The following TAB2 variants were observed in gnomAD, a reference collection of about 807,000 sequenced individuals.
The protein encoded by TAB2 is TGF-beta activated kinase 1 (MAP3K7) binding protein 2.
In TAB2, 3 loss-of-function variants were observed where a neutral mutation model predicts 65.0. The observed-to-expected ratio is 0.05, with a 90% CI of 0.02 to 0.12. The LOEUF (loss-of-function observed/expected upper bound fraction) is 0.12, where lower values mean the gene tolerates loss of function less well. TAB2 is among the 10% of genes least tolerant of loss of function. TAB2 has a pLI of 1.00. For synonymous variants in TAB2, 298 were observed against 285.1 expected (o/e 1.05, Z -0.46); for missense variants, 623 against 840.3 (o/e 0.74, Z 3.20).
At chr6:149,346,769 A>G (rs369866555) in intron 1 of TAB2, among the ~76,000 whole-genome samples, 71 of 152,150 alleles carry the variant, frequency 4.7e-4, no homozygotes, top group African/African-American at 1.6e-3. Flanking sequence ...TACTTCTTAT[A>G]ACTTTCTCTG....
At position 149,273,121 on chromosome 6, in the gene TAB2, T is replaced by C. The variant is rs116445223; in HGVS notation, c.-121+54345T>C. On this transcript the variant is annotated intron_variant, in intron 1 of 1. Transcript: ENST00000606202. ...CATCGAGGACCACTGATCGAGTGGG[T>C]AGAGGCCAGGGATGCTGTTAAACAT... 4.8e-3 allele frequency among the ~76,000 whole-genome samples: 728 copies of C among 151,526 alleles called. 5 individuals are homozygous for C. Among genetic ancestry groups the C allele is most frequent in the African/African-American group, 0.017 (701 of 41,238 alleles).
At chr6:149,335,721 C>G (rs1779915121) in intron 1 of TAB2, among the ~76,000 whole-genome samples, 1 of 151,508 alleles carries the variant, frequency 6.6e-6, no homozygotes, top group Non-Finnish European at 1.5e-5. Context: ...TGGCAGGGCT[C>G]TTTGAAGAAA....
At chr6:149,402,489 A>C (rs2114958102) in intron 6 of TAB2, among the ~76,000 whole-genome samples, 1 of 152,320 alleles carries the variant, frequency 6.6e-6, no homozygotes, top group East Asian at 1.9e-4. Context: ...AGAAATTTAA[A>C]AAAAAATTCC....
chr6:149,365,545 T>C (rs1781013168), intron 1 of TAB2, among the ~76,000 whole-genome samples: 1 of 152,188 alleles, frequency 6.6e-6, no homozygotes, highest in Non-Finnish European at 1.5e-5. Context: ...TTTGGCTGTT[T>C]TCAAGATTTT....
chr6:149,266,760 A>G (rs924729553), intron 1 of TAB2, among the ~76,000 whole-genome samples: 3 of 152,162 alleles, frequency 2.0e-5, no homozygotes, highest in Non-Finnish European at 1.5e-5. Context: ...GGAGGCCATA[A>G]TGAACCTCTG....
intron 1 of TAB2, among the ~76,000 whole-genome samples, chr6:149,345,601 A>G (rs971064040): frequency 6.6e-6 from 1 of 152,176 alleles, no homozygotes; most frequent in Non-Finnish European, 1.5e-5. Flanking sequence ...TCCTTGGAAT[A>G]CCTTCCATCC....
At chr6:149,361,302 A>G (rs532047012) in intron 1 of TAB2, among the ~76,000 whole-genome samples, 1 of 152,288 alleles carries the variant, frequency 6.6e-6, no homozygotes, top group Admixed American at 6.5e-5. Flanking sequence ...GAGGCTGCCA[A>G]GCCTCCTTCA....
At chr6:149,375,761 T>A (rs1781377552) in intron 2 of TAB2, among the ~76,000 whole-genome samples, 1 of 152,168 alleles carries the variant, frequency 6.6e-6, no homozygotes, top group South Asian at 2.1e-4. Flanking sequence ...TAGGAATCGT[T>A]GATAAAGATT....
At chr6:149,270,421 A>G (rs1028538257) in intron 1 of TAB2, among the ~76,000 whole-genome samples, 2 of 151,774 alleles carry the variant, frequency 1.3e-5, no homozygotes, top group African/African-American at 4.8e-5. Context: ...TTTTTTCTTT[A>G]GTTCAAGAGA....
chr6:149,400,991 A>G (rs976373638), intron 6 of TAB2: 3 of 299,542 alleles, frequency 1.0e-5, no homozygotes, highest in Middle Eastern at 9.7e-4. Context: ...TGGCATGTTC[A>G]TTCAGGTCTT....
chr6:149,387,233 T>C (rs1781835226), intron 3 of TAB2, among the ~76,000 whole-genome samples: 3 of 152,208 alleles, frequency 2.0e-5, no homozygotes, highest in Admixed American at 2.0e-4. Flanking sequence ...TATATAATAT[T>C]AGTTCTTATA....
At chr6:149,366,811 A>T (rs1781055053) in intron 1 of TAB2, among the ~76,000 whole-genome samples, 1 of 152,184 alleles carries the variant, frequency 6.6e-6, no homozygotes, top group Admixed American at 6.5e-5. Flanking sequence ...AGTCTTTATT[A>T]GAAAAGCAGG....
chr6:149,314,927 CCTTTTT>C (rs1451527756), upstream of TAB2, among the ~76,000 whole-genome samples: 1 of 144,182 alleles, frequency 6.9e-6, no homozygotes, highest in Non-Finnish European at 1.5e-5. Flanking sequence ...CTTGTTTTTT[CCTTTTT>C]ATTTTCTCCA....
At position 149,378,223 on chromosome 6, in the gene TAB2, T is replaced by A; in HGVS notation, c.308T>A (p.Leu103Gln). Residue 103 changes from leucine to glutamine, a missense_variant, in exon 3 of 7, where the codon CTA (leucine) becomes CAA (glutamine). Coordinates refer to ENST00000637181, the MANE Select transcript of TAB2 (RefSeq NM_001292034.3). Reference protein sequence around the residue: ...EGSRMNGSRTLTHSISDGQLQ... With the variant: ...EGSRMNGSRTQTHSISDGQLQ... The stretch of plus-strand genomic sequence containing the variant: ...AGTAGGATGAATGGAAGTAGGACTC[T>A]AACGCACAGCATTAGTGATGGACAA... 1 of 1,614,242 alleles carries A rather than the reference T, an allele frequency of 6.2e-7. No homozygotes were observed. The highest frequency in any genetic ancestry group is 8.5e-7 in the Non-Finnish European group (1 of 1,180,042).
chr6:149,319,740 C>T (rs1487045264), intron 1 of TAB2, among the ~76,000 whole-genome samples: 1 of 152,116 alleles, frequency 6.6e-6, no homozygotes, highest in Admixed American at 6.5e-5. Flanking sequence ...TAAGTTATCC[C>T]CTGAATATAC....
chr6:149,281,555 C>CAAA (rs59196897), intron 1 of TAB2, among the ~76,000 whole-genome samples: 7,715 of 70,276 alleles, frequency 0.11, 1,576 homozygotes, highest in Admixed American at 0.18. Context: ...GATGCCATCT[C>CAAA]AAAAAAAAAA....
upstream of TAB2, chr6:149,218,168 T>C (rs912920701): frequency 2.0e-5 from 3 of 152,244 alleles, no homozygotes; most frequent in African/African-American, 7.2e-5. Flanking sequence ...GACAAATCTT[T>C]AAAGAAGAGT....
At chr6:149,240,739 A>G (rs1213941873) in intron 1 of TAB2, among the ~76,000 whole-genome samples, 1 of 152,136 alleles carries the variant, frequency 6.6e-6, no homozygotes, top group Non-Finnish European at 1.5e-5. Context: ...TTTGTTTATT[A>G]TTTTTGGGCT....
intron 3 of TAB2, among the ~76,000 whole-genome samples, chr6:149,387,783 ATTC>A (rs1204095618): frequency 2.6e-5 from 4 of 151,546 alleles, no homozygotes; most frequent in African/African-American, 4.8e-5. Context: ...TTCATTTTGT[ATTC>A]TTCTAGGATT....
Sources: gnomAD v4.1 joint callset for allele counts (sites outside exome capture counted in the v4.1 genomes callset) on GRCh38, gnomAD v4.1.1 for gene constraint, MANE v1.5 for transcripts, NCBI Gene and HGNC (gene_info 2026-07-23, HGNC 2026-07-21) for gene names.